DNM3: variants seen among roughly 807,000 people sequenced by gnomAD.
The protein encoded by DNM3 is dynamin 3.
In DNM3, 47 loss-of-function variants were observed where a neutral mutation model predicts 101.6. That is an observed-to-expected ratio of 0.46 (90% CI 0.37 to 0.59). The LOEUF is 0.59. Among genes scored for constraint, DNM3 ranks in the 20% least tolerant of loss-of-function variants. The pLI is 0.00. For synonymous variants in DNM3, 385 were observed against 387.9 expected (o/e 0.99, Z 0.09); for missense variants, 849 against 1,085.7 (o/e 0.78, Z 3.06).
intron 15 of DNM3, among the ~76,000 whole-genome samples, chr1:172,254,071 T>C (rs1179500497): frequency 6.6e-6 from 1 of 151,976 alleles, no homozygotes; most frequent in African/African-American, 2.4e-5. Context: ...CCCTCTAGAG[T>C]AGCTGGGACT....
At chr1:172,032,960 C>T (rs2125802763) in intron 5 of DNM3, 145 bp from the exon 6 acceptor site, 2 of 966,536 alleles carry the variant, frequency 2.1e-6, no homozygotes, top group East Asian at 2.6e-5. Flanking sequence ...ACTGATGTTT[C>T]CCATTGAGTT....
At chr1:171,978,190 A>G (rs1357747325) in intron 2 of DNM3, among the ~76,000 whole-genome samples, 1 of 152,182 alleles carries the variant, frequency 6.6e-6, no homozygotes, top group Non-Finnish European at 1.5e-5. Context: ...GTGGATGAAG[A>G]CAGACAATAA....
At chr1:172,078,172 A>G (rs2052824646) in intron 11 of DNM3, among the ~76,000 whole-genome samples, 1 of 152,118 alleles carries the variant, frequency 6.6e-6, no homozygotes, top group Non-Finnish European at 1.5e-5. Flanking sequence ...AGCTCACTGC[A>G]AGCTCCGCCT....
chr1:172,127,751 C>T (rs2056722511), intron 13 of DNM3, among the ~76,000 whole-genome samples: 2 of 151,962 alleles, frequency 1.3e-5, no homozygotes, highest in Admixed American at 1.3e-4. Context: ...AATTGTTGCC[C>T]ATGCTAAAGA....
chr1:172,269,507 G>A (rs2063001302), intron 15 of DNM3, among the ~76,000 whole-genome samples: 1 of 152,152 alleles, frequency 6.6e-6, no homozygotes, highest in Non-Finnish European at 1.5e-5. Flanking sequence ...AGACACTGTA[G>A]TGGTAAGCTG....
chr1:172,277,208 A>T (rs1328860513), intron 15 of DNM3, among the ~76,000 whole-genome samples: 3 of 152,040 alleles, frequency 2.0e-5, no homozygotes, highest in Non-Finnish European at 4.4e-5. Context: ...ATTTCTCATG[A>T]TCCTAATTTT....
intron 17 of DNM3, among the ~76,000 whole-genome samples, chr1:172,332,028 G>A (rs1208449051): frequency 6.6e-6 from 1 of 151,572 alleles, no homozygotes; most frequent in East Asian, 1.9e-4. Flanking sequence ...ATGAGAGAAA[G>A]GGCAAAATCA....
At chr1:172,417,821 T>C (rs968194025) in intron 20 of DNM3, among the ~76,000 whole-genome samples, 3 of 152,202 alleles carry the variant, frequency 2.0e-5, no homozygotes, top group African/African-American at 7.2e-5. Context: ...TAACCTGCCA[T>C]TGGCTACATC....
intron 19 of DNM3, among the ~76,000 whole-genome samples, chr1:172,387,583 C>T (rs2069262402): frequency 6.6e-6 from 1 of 151,310 alleles, no homozygotes; most frequent in African/African-American, 2.4e-5. Flanking sequence ...GGTGTGAACC[C>T]GGGAGGCAGA....
At chr1:172,110,899 G>A (rs2055420877) in intron 13 of DNM3, among the ~76,000 whole-genome samples, 1 of 152,176 alleles carries the variant, frequency 6.6e-6, no homozygotes, top group African/African-American at 2.4e-5. Flanking sequence ...AGCTGGACAA[G>A]GTGGCATGCG....
chr1:172,146,402 C>G (rs1427625394), intron 14 of DNM3, among the ~76,000 whole-genome samples: 1 of 152,070 alleles, frequency 6.6e-6, no homozygotes, highest in Non-Finnish European at 1.5e-5. Context: ...TAGGATGGAA[C>G]AGAGGTTAGC....
At chr1:172,389,671 T>C (rs756119693) in intron 20 of DNM3, among the ~76,000 whole-genome samples, 1 of 152,222 alleles carries the variant, frequency 6.6e-6, no homozygotes, top group African/African-American at 2.4e-5. Context: ...AAAAATTCAA[T>C]TCAGAGAATT....
chr1:172,000,054 G>A (rs1207057988), intron 4 of DNM3, among the ~76,000 whole-genome samples: 1 of 152,064 alleles, frequency 6.6e-6, no homozygotes, highest in South Asian at 2.1e-4. Flanking sequence ...TAATTCAGGT[G>A]GTGTCTACAG....
chr1:172,309,978 A>G (rs186264735), intron 16 of DNM3: 1 of 152,154 alleles, frequency 6.6e-6, no homozygotes, highest in Non-Finnish European at 1.5e-5. Flanking sequence ...AAAACAATGA[A>G]CCTCCCACAA....
chr1:172,217,494 G>A (rs1015915378), intron 14 of DNM3, among the ~76,000 whole-genome samples: 2 of 151,854 alleles, frequency 1.3e-5, no homozygotes, highest in Non-Finnish European at 2.9e-5. Flanking sequence ...AAATGGACTG[G>A]AGGCCTCTTT....
intron 2 of DNM3, among the ~76,000 whole-genome samples, chr1:171,947,962 T>C (rs897132251): frequency 1.1e-4 from 17 of 152,224 alleles, no homozygotes; most frequent in Admixed American, 1.3e-4. Flanking sequence ...CTTTTGCTTT[T>C]CTTCTTGTTT....
At chr1:172,099,870 G>C (rs1184278233) in intron 13 of DNM3, among the ~76,000 whole-genome samples, 1 of 152,140 alleles carries the variant, frequency 6.6e-6, no homozygotes, top group Non-Finnish European at 1.5e-5. Context: ...GGTGTGAGTA[G>C]CTGAAAACAA....
intron 4 of DNM3, among the ~76,000 whole-genome samples, chr1:172,019,710 C>A (rs958888762): frequency 6.6e-6 from 1 of 151,684 alleles, no homozygotes; most frequent in Non-Finnish European, 1.5e-5. Context: ...TTGAAATATG[C>A]TCAAGCTTGG....
intron 4 of DNM3, among the ~76,000 whole-genome samples, chr1:172,016,186 C>CAA (rs58031756): frequency 1.2e-4 from 10 of 81,978 alleles, no homozygotes; most frequent in African/African-American, 3.1e-4. Context: ...GACTCCATCT[C>CAA]AAAAAAAAAA....
Sources: allele counts gnomAD v4.1 joint callset (sites outside exome capture counted in the v4.1 genomes callset), GRCh38; gene constraint gnomAD v4.1.1; transcripts MANE v1.5; gene names NCBI Gene and HGNC (gene_info 2026-07-23, HGNC 2026-07-21).